Variants in NT5DC2 observed in about 807,000 individuals in gnomAD.
NT5DC2 encodes the protein 5'-nucleotidase domain containing 2.
Under a neutral mutation model 70.0 loss-of-function variants are expected in NT5DC2, and 41 were observed. That is an observed-to-expected ratio of 0.59 (90% confidence interval 0.46 to 0.76). NT5DC2 has a LOEUF of 0.76. NT5DC2 is among the 30% of genes least tolerant of loss of function. The probability of loss-of-function intolerance (pLI) is 0.00; values close to 1 mark genes in which losing one functional copy is unlikely to be tolerated. For missense variants in NT5DC2, 705 were observed against 783.2 expected, an observed-to-expected ratio of 0.90 and a Z score of 1.19; for synonymous variants, 299 against 310.4, an observed-to-expected ratio of 0.96 and a Z score of 0.39.
rs2079308708 is a variant in NT5DC2 at position 52,528,260 on chromosome 3, G to C, written c.694C>G (p.Leu232Val). The change falls in exon 6 of 14, where the codon CTG (leucine) becomes GTG (valine). Residue 232 changes from leucine to valine, a missense_variant. Leu to Val is a conservative substitution (Grantham distance 32, BLOSUM62 1). Coordinates refer to ENST00000422318, the MANE Select transcript of NT5DC2 (RefSeq NM_001134231.2). ...MDIFSLPEMA[L>V]LSCVVDYFLG... ...AAGTAGTCCACCACACAGGACAGCA[G>C]AGCCATCTCCGGTAGCGAGAAGATG... The C allele has an allele frequency of 1.2e-6, 2 of 1,613,458 alleles. No homozygotes were observed. The highest frequency in any genetic ancestry group is 1.7e-6 in the Non-Finnish European group (2 of 1,180,030).
chr3:52,530,164 C>T (rs748085399), intron 1 of NT5DC2, among the ~76,000 whole-genome samples: 50 of 152,318 alleles, frequency 3.3e-4, no homozygotes, highest in Non-Finnish European at 6.0e-4. Context: ...TTGCTAATTA[C>T]GACAGTCAGG....
At chr3:52,534,454 C>T, upstream of NT5DC2, 3 of 1,607,346 alleles carry the variant, frequency 1.9e-6, no homozygotes, top group African/African-American at 4.0e-5. Context: ...AACCAGGTGA[C>T]TGGGCCGTGC....
At chr3:52,526,686 G>A (rs568905798) in intron 10 of NT5DC2, among the ~76,000 whole-genome samples, 5 of 152,330 alleles carry the variant, frequency 3.3e-5, no homozygotes, top group Admixed American at 2.0e-4. Flanking sequence ...TGAAGACAGG[G>A]TCTTGCATTG....
upstream of NT5DC2, chr3:52,534,598 G>A: frequency 6.2e-7 from 1 of 1,613,880 alleles, no homozygotes; most frequent in Non-Finnish European, 8.5e-7. Flanking sequence ...TAGCAACGTC[G>A]ACAGGCTTTC....
chr3:52,532,450 G>T, intron 1 of NT5DC2: 1 of 985,390 alleles, frequency 1.0e-6, no homozygotes, highest in Non-Finnish European at 1.2e-6. Flanking sequence ...CATTCCTCAG[G>T]GGCCTTTACC....
At position 52,528,551 on chromosome 3, in the gene NT5DC2, C is replaced by G; in HGVS notation, c.549-12G>C. On this transcript the variant is annotated splice_polypyrimidine_tract_variant and intron_variant, in intron 4 of 13. Transcript: ENST00000422318. ...CAGGCTGGAGGCCCCTGAGCAGGCC[C>G]AAGATACCATCAGTCCAAGGTAGTC... 6.7e-7 allele frequency: 1 copy of G among 1,497,632 alleles called. No individual in the cohort carries two copies. Among genetic ancestry groups the G allele is most frequent in the South Asian group, 1.1e-5 (1 of 89,416 alleles). The allele number at this position is 1,497,632 out of a possible 1,614,324, so 92.8% of individuals were successfully genotyped here. A position where few individuals can be genotyped will look rare whatever the true frequency, so the allele number is the denominator to read the frequency against.
chr3:52,534,435 A>T (rs2079403040), upstream of NT5DC2: 1 of 1,596,120 alleles, frequency 6.3e-7, no homozygotes, highest in African/African-American at 1.3e-5. Context: ...AGGGCAGCCG[A>T]CGTCCGCTAA....
intron 1 of NT5DC2, chr3:52,532,349 ACTT>A (rs2079372676): frequency 7.1e-6 from 7 of 985,208 alleles, no homozygotes; most frequent in Non-Finnish European, 8.4e-6. Context: ...CAGAGCAAAG[ACTT>A]CTTAAATAAC....
intron 8 of NT5DC2, 54 bp from the exon 9 acceptor site, chr3:52,527,772 C>T: frequency 1.2e-6 from 2 of 1,610,500 alleles, no homozygotes; most frequent in Non-Finnish European, 1.7e-6. Flanking sequence ...CCGTGCCTGC[C>T]CTCCCCACCC....
intron 10 of NT5DC2, chr3:52,526,243 C>T (rs1210878237): frequency 2.0e-5 from 3 of 152,492 alleles, no homozygotes; most frequent in African/African-American, 7.2e-5. Flanking sequence ...GCACCTGGGC[C>T]CGAGGGCTGT....
Position 52,528,338 on chromosome 3 carries a change from A to T in NT5DC2, c.643-27T>A, listed in dbSNP as rs753194045. On this transcript the variant is annotated intron_variant, in intron 5 of 13. Transcript: ENST00000422318. ...TGGGGAGGGGGCCATTGTCTCAGAC[A>T]CCCTTTGGGACCCCAACCCCTTCAG... 13 of 1,613,088 alleles carry T rather than the reference A, an allele frequency of 8.1e-6. No individual in the cohort carries two copies. The South Asian group carries it at 1.4e-4, about 18-fold the overall frequency.
rs1325825732 is a variant in NT5DC2 at position 52,527,202 on chromosome 3, GC to G, written c.1119+91del. On this transcript the variant is annotated intron_variant, in intron 10 of 13. Transcript: ENST00000422318. ...AGGCTGCTCAGGGCCAAGGAGCTGT[GC>G]TGCTTCTTCAGAGGCTGCCTCTGCA... The G allele has an allele frequency of 2.2e-4, 263 of 1,211,536 alleles. No individual in the cohort carries two copies. The African/African-American group carries it at 3.5e-3, about 16-fold the overall frequency. 75.0% of individuals were successfully genotyped at this position (1,211,536 alleles called of 1,614,324 possible).
chr3:52,525,541 C>T (rs2079248204), intron 10 of NT5DC2: 2 of 537,288 alleles, frequency 3.7e-6, no homozygotes, highest in African/African-American at 1.9e-5. Flanking sequence ...GGGCCTTCTC[C>T]CTGTGGTCTC....
upstream of NT5DC2, chr3:52,534,537 C>G: frequency 6.2e-7 from 1 of 1,613,330 alleles, no homozygotes; most frequent in Non-Finnish European, 8.5e-7. Flanking sequence ...ACTGACCCGT[C>G]AACTCCCGGT....
intron 1 of NT5DC2, 74 bp downstream of exon 1, chr3:52,533,432 C>T: frequency 7.1e-7 from 1 of 1,407,412 alleles, no homozygotes; most frequent in Non-Finnish European, 9.4e-7. Context: ...GGAGGAGCGG[C>T]ACCCTGGGGC....
Position 52,525,206 on chromosome 3 carries a change from C to A in NT5DC2, c.1206+3G>T. On this transcript the variant is annotated splice_donor_region_variant and intron_variant, in intron 11 of 13. Coordinates refer to ENST00000422318, the MANE Select transcript of NT5DC2 (RefSeq NM_001134231.2). ...CACTGCAGCCCAGCCCTGCCTCCCT[C>A]ACCGCCAGATCACTATAGAGGTGGT... The A allele has an allele frequency of 6.2e-7, 1 of 1,611,408 alleles. No homozygotes were observed. The highest frequency in any genetic ancestry group is 8.5e-7 in the Non-Finnish European group (1 of 1,179,446).
chr3:52,524,517 C>T lies in NT5DC2; in HGVS notation c.1627G>A (p.Gly543Ser), dbSNP rs768627428. ...APLWMDQLCT[G>S]CMKTPFLGDM... ...CCAAGGAAGGGGGTCTTCATGCAGC[C>T]GGTGCAGAGCTGGTCCATCCAGAGG... The change falls in exon 14 of 14, where the codon GGC becomes AGC. Residue 543 changes from glycine to serine, a missense_variant. Transcript: ENST00000422318. 2.3e-5 allele frequency: 37 copies of T among 1,612,826 alleles called. 1 individual carries two copies. Among genetic ancestry groups the T allele is most frequent in the South Asian group, 1.6e-4 (15 of 91,094 alleles).
At position 52,528,086 on chromosome 3, in the gene NT5DC2, G is replaced by A. The variant is rs1207232992; in HGVS notation, c.772-13C>T. ...CTCGGATGGCGTCCTGGGGGCAGTG[G>A]AGGACAATGAGGGTACAGCAGGGCC... On this transcript the variant is annotated splice_polypyrimidine_tract_variant and intron_variant, in intron 6 of 13. Transcript: ENST00000422318. 1.2e-6 allele frequency: 2 copies of A among 1,612,842 alleles called. No homozygotes were observed.
At chr3:52,532,245 G>A in intron 1 of NT5DC2, 3 of 985,486 alleles carry the variant, frequency 3.0e-6, no homozygotes, top group Non-Finnish European at 2.4e-6. Flanking sequence ...GATGCAGGCA[G>A]GCCCAGGAGG....
Sources: gnomAD v4.1 joint callset for allele counts (sites outside exome capture counted in the v4.1 genomes callset) on GRCh38, gnomAD v4.1.1 for gene constraint, MANE v1.5 for transcripts, NCBI Gene and HGNC (gene_info 2026-07-23, HGNC 2026-07-21) for gene names.